The following DSCAM variants were observed in gnomAD, a reference collection of about 807,000 sequenced individuals.
The protein encoded by DSCAM is cell adhesion molecule DSCAM.
In DSCAM, 47 loss-of-function variants were observed where a neutral mutation model predicts 217.7. The observed-to-expected ratio is 0.22, with a 90% CI of 0.17 to 0.28. The LOEUF is 0.28. Among genes scored for constraint, DSCAM ranks in the 10% least tolerant of loss-of-function variants. The probability of loss-of-function intolerance (pLI) is 1.00; values close to 1 mark genes in which losing one functional copy is unlikely to be tolerated. For synonymous variants in DSCAM, 1,056 were observed against 1,015.3 expected (o/e 1.04, Z -0.76); for missense variants, 2,080 against 2,618.3 (o/e 0.79, Z 4.49).
rs1555849637 is a variant in DSCAM at position 40,516,906 on chromosome 21, T to TATATATATAC, written c.509-147662_509-147661insGTATATATAT. On this transcript the variant is annotated intron_variant, in intron 3 of 32. Coordinates refer to ENST00000400454, the MANE Select transcript of DSCAM (RefSeq NM_001389.5). The stretch of plus-strand genomic sequence containing the variant: ...CACACACCATATATATATATATATA[T>TATATATATAC]ACACACACACACATATACCTTATAT... Among the ~76,000 whole-genome samples, 749 of 145,538 alleles carry TATATATATAC rather than the reference T, an allele frequency of 5.1e-3. 5 individuals are homozygous for TATATATATAC. The highest frequency in any genetic ancestry group is 9.4e-3 in the Admixed American group (134 of 14,316).
intron 3 of DSCAM, among the ~76,000 whole-genome samples, chr21:40,642,076 G>A (rs920732703): frequency 6.6e-6 from 1 of 150,390 alleles, no homozygotes; most frequent in Non-Finnish European, 1.5e-5. Flanking sequence ...TTATATTCAT[G>A]TATTCCTGTT....
chr21:40,305,792 T>C (rs923990955), intron 9 of DSCAM, among the ~76,000 whole-genome samples: 3 of 152,214 alleles, frequency 2.0e-5, no homozygotes, highest in African/African-American at 7.2e-5. Flanking sequence ...TTCTGTTCCA[T>C]TGGTCTATAT....
chr21:40,637,130 AATATATAAATAT>A lies in DSCAM; in HGVS notation c.508+55668_508+55679del, dbSNP rs1480798563. 7.5e-5 allele frequency among the ~76,000 whole-genome samples: 4 copies of A among 53,412 alleles called. 1 individual carries two copies. The highest frequency in any genetic ancestry group is 4.8e-4 in the East Asian group (1 of 2,090). The allele number at this position is 53,412 out of a possible 152,430, so 35.0% of individuals were successfully genotyped here. ...ATTCATATATATATATATATATATA[AATATATAAATAT>A]ATATATAAATATATATAAATATAAA... On this transcript the variant is annotated intron_variant, in intron 3 of 32. Transcript: ENST00000400454.
intron 2 of DSCAM, among the ~76,000 whole-genome samples, chr21:40,705,843 C>T (rs189325655): frequency 4.5e-4 from 69 of 152,272 alleles, no homozygotes; most frequent in African/African-American, 1.6e-3. Context: ...AAATGTGGCT[C>T]CCACACCTCC....
intron 32 of DSCAM, among the ~76,000 whole-genome samples, chr21:40,015,459 T>C (rs1411620091): frequency 1.3e-5 from 2 of 151,766 alleles, no homozygotes; most frequent in Non-Finnish European, 2.9e-5. Flanking sequence ...AGATAGAGTC[T>C]TGCTCTGTTG....
intron 3 of DSCAM, among the ~76,000 whole-genome samples, chr21:40,433,379 G>A (rs1048789445): frequency 6.7e-6 from 1 of 148,936 alleles, no homozygotes; most frequent in South Asian, 2.1e-4. Context: ...AGCACCTGCA[G>A]CAGGCAGGCA....
chr21:40,091,170 A>T (rs2146586705), intron 21 of DSCAM, among the ~76,000 whole-genome samples: 1 of 152,264 alleles, frequency 6.6e-6, no homozygotes, highest in African/African-American at 2.4e-5. Context: ...TTTTTCTGTA[A>T]ATCTAAAACT....
At chr21:40,161,356 C>A (rs1245045428) in intron 16 of DSCAM, among the ~76,000 whole-genome samples, 1 of 151,846 alleles carries the variant, frequency 6.6e-6, no homozygotes, top group East Asian at 1.9e-4. Context: ...GCATAGTTTA[C>A]ATATACACCA....
intron 20 of DSCAM, among the ~76,000 whole-genome samples, chr21:40,096,930 A>G (rs1032589743): frequency 2.0e-5 from 3 of 152,304 alleles, no homozygotes; most frequent in Admixed American, 6.5e-5. Context: ...AGAATTCTAT[A>G]TTCAACAAAT....
At chr21:40,695,265 A>T (rs1356028850) in intron 2 of DSCAM, among the ~76,000 whole-genome samples, 1 of 152,128 alleles carries the variant, frequency 6.6e-6, no homozygotes, top group Non-Finnish European at 1.5e-5. Flanking sequence ...CCAGGTGTAC[A>T]GCCTACACTA....
rs529526597 is a variant in DSCAM, at chr21:40,598,945, G to A, written c.508+93865C>T. On this transcript the variant is annotated intron_variant, in intron 3 of 32. Coordinates refer to ENST00000400454, the MANE Select transcript of DSCAM (RefSeq NM_001389.5). ...TTGTTTTAATTTAAAATTATTTAACGACATATAATGCTGATCATCTTTTCA... is the reference window on the plus strand; with the variant it reads ...TTGTTTTAATTTAAAATTATTTAACAACATATAATGCTGATCATCTTTTCA... Among the ~76,000 whole-genome samples, 6 of 152,214 alleles carry A rather than the reference G, an allele frequency of 3.9e-5. No homozygotes were observed. In the South Asian group the frequency reaches 1.0e-3, roughly 26 times the overall value.
chr21:40,263,815 A>G (rs2073485956), intron 11 of DSCAM, among the ~76,000 whole-genome samples: 1 of 152,172 alleles, frequency 6.6e-6, no homozygotes, highest in Admixed American at 6.5e-5. Context: ...TAGCTAGATT[A>G]ACCAAGAAAA....
chr21:40,221,175 A>G (rs1255626007), intron 11 of DSCAM, among the ~76,000 whole-genome samples: 1 of 152,076 alleles, frequency 6.6e-6, no homozygotes, highest in Non-Finnish European at 1.5e-5. Context: ...TGAGAGCCTC[A>G]AAGAGTTGAG....
intron 3 of DSCAM, among the ~76,000 whole-genome samples, chr21:40,415,707 T>C (rs2075364477): frequency 6.6e-6 from 1 of 152,148 alleles, no homozygotes; most frequent in African/African-American, 2.4e-5. Context: ...GGCAAGGTAA[T>C]TGCTGTGAGG....
chr21:40,284,800 C>T (rs908072971), intron 10 of DSCAM, among the ~76,000 whole-genome samples: 6 of 152,214 alleles, frequency 3.9e-5, no homozygotes, highest in African/African-American at 1.4e-4. Context: ...TAACACACCA[C>T]ACCATCCAGG....
At chr21:40,814,652 G>A (rs576726431) in intron 1 of DSCAM, among the ~76,000 whole-genome samples, 14 of 152,294 alleles carry the variant, frequency 9.2e-5, no homozygotes, top group South Asian at 4.1e-4. Context: ...GAAGAAGAGC[G>A]GGAAAAGGAT....
rs149623607 is a variant in DSCAM, at chr21:40,161,783, A to C, written c.3018+5435T>G. ...ATAAAACCAATGCTAGAACCAATGG[A>C]TTAGTTCCTAAAAGCAAATGCAAAC... is the stretch of plus-strand genomic sequence containing the variant. On this transcript the variant is annotated intron_variant, in intron 16 of 32. Transcript: ENST00000400454. Among the ~76,000 whole-genome samples, 752 of 152,348 alleles carry C rather than the reference A, an allele frequency of 4.9e-3. 5 individuals are homozygous for C. Among genetic ancestry groups the C allele is most frequent in the South Asian group, 8.3e-3 (40 of 4,826 alleles).
intron 3 of DSCAM, among the ~76,000 whole-genome samples, chr21:40,440,063 G>A (rs909331342): frequency 0.011 from 1 of 92 alleles, no homozygotes; most frequent in South Asian, 0.17. Flanking sequence ...TGACTGTAAA[G>A]CAACCTGGGT....
intron 3 of DSCAM, among the ~76,000 whole-genome samples, chr21:40,533,825 A>T (rs573120435): frequency 1.3e-5 from 2 of 152,170 alleles, no homozygotes; most frequent in South Asian, 4.2e-4. Context: ...AGGTTTGAAA[A>T]TGAAGCTTCA....
Sources: gnomAD v4.1 joint callset for allele counts (sites outside exome capture counted in the v4.1 genomes callset) on GRCh38, gnomAD v4.1.1 for gene constraint, MANE v1.5 for transcripts, NCBI Gene and HGNC (gene_info 2026-07-23, HGNC 2026-07-21) for gene names.